KLKB1: variants seen among roughly 807,000 people sequenced by gnomAD.
The protein encoded by KLKB1 is plasma kallikrein.
In KLKB1, 58 loss-of-function variants were observed where a neutral mutation model predicts 73.6. That is an observed-to-expected ratio of 0.79 (90% confidence interval 0.64 to 0.98). The LOEUF (loss-of-function observed/expected upper bound fraction) is 0.98. Ranked by LOEUF, KLKB1 falls within the 50% of genes least tolerant of loss-of-function variation. KLKB1 has a pLI of 0.00. For synonymous variants in KLKB1, 280 were observed against 258.1 expected, an observed-to-expected ratio of 1.08 and a Z score of -0.81; for missense variants, 737 against 763.8, an observed-to-expected ratio of 0.96 and a Z score of 0.41.
Position 186,256,008 on chromosome 4 carries a change from A to G in KLKB1, c.1506A>G (p.Ile502Met). 6.2e-7 allele frequency: 1 copy of G among 1,610,758 alleles called. No homozygotes were observed. Residue 502 changes from isoleucine (I) to methionine (M), a missense_variant, in exon 13 of 15, where the codon ATA becomes ATG. Physicochemically the swap from Ile to Met is conservative, Grantham distance 10 (BLOSUM62 1). Coordinates refer to ENST00000264690, the MANE Select transcript of KLKB1 (RefSeq NM_000892.5). Reference protein sequence around the residue: ...PLNYTEFQKPICLPSKGDTST... With the variant: ...PLNYTEFQKPMCLPSKGDTST... Reference sequence around the variant, plus strand: ...ATGTTTCAGAATTCCAAAAACCAATATGCCTACCTTCCAAAGGTGACACAA... The same window carrying G: ...ATGTTTCAGAATTCCAAAAACCAATGTGCCTACCTTCCAAAGGTGACACAA...
At position 186,235,971 on chromosome 4, in the gene KLKB1, G is replaced by A. The variant is rs548783272; in HGVS notation, c.329-810G>A. 2.3e-3 allele frequency among the ~76,000 whole-genome samples: 348 copies of A among 151,226 alleles called. 3 individuals are homozygous for A. The highest frequency in any genetic ancestry group is 8.1e-3 in the African/African-American group (334 of 41,148). On this transcript the variant is annotated intron_variant, in intron 4 of 14. Transcript: ENST00000264690. Reference sequence around the variant, plus strand: ...TCTACTAAAAATACAAAAATTAGCCGGGCGTGGTGGCGCGCGCCTGTAGTC... The same window carrying A: ...TCTACTAAAAATACAAAAATTAGCCAGGCGTGGTGGCGCGCGCCTGTAGTC...
chr4:186,233,264 A>G (rs189816618), intron 3 of KLKB1, among the ~76,000 whole-genome samples: 1 of 152,206 alleles, frequency 6.6e-6, no homozygotes, highest in Non-Finnish European at 1.5e-5. Context: ...CACGAGCCAC[A>G]GTTTCATCTT....
intron 2 of KLKB1, chr4:186,213,215 T>C (rs1467309414): frequency 6.6e-6 from 1 of 152,228 alleles, no homozygotes; most frequent in Non-Finnish European, 1.5e-5. Flanking sequence ...GAGAAATTAT[T>C]TCATATGCTA....
chr4:186,221,779 A>G (rs1159039618), upstream of KLKB1, among the ~76,000 whole-genome samples: 1 of 152,192 alleles, frequency 6.6e-6, no homozygotes, highest in East Asian at 1.9e-4. Context: ...TTTGAAAGGA[A>G]TGTTCTGCAC....
upstream of KLKB1, among the ~76,000 whole-genome samples, chr4:186,223,490 C>G (rs898767079): frequency 1.3e-5 from 2 of 152,174 alleles, no homozygotes; most frequent in Non-Finnish European, 1.5e-5. Flanking sequence ...GGAACTGGAG[C>G]AAAGGCCATT....
Position 186,251,850 on chromosome 4 carries a change from G to A in KLKB1, c.1133G>A (p.Gly378Glu), listed in dbSNP as rs750899027. The change falls in exon 10 of 15, where the codon GGG becomes GAG. Residue 378 changes from glycine to glutamate, a missense_variant. Physicochemically the swap from Gly to Glu is moderately conservative, Grantham distance 98. Transcript: ENST00000264690. ...TACTCTTTGAGATTGTGTAACACTG[G>A]GGACAACTCTGGTGAGTAACCTCAC... ...SGYSLRLCNT[G>E]DNSVCTTKTS... 2 of 1,612,484 alleles carry A rather than the reference G, an allele frequency of 1.2e-6. No individual in the cohort carries two copies. Among genetic ancestry groups the A allele is most frequent in the Non-Finnish European group, 1.7e-6 (2 of 1,178,880 alleles).
rs764767520 is a variant in KLKB1, at chr4:186,257,318, C to T, written c.1678C>T (p.Arg560Trp). 2.9e-5 allele frequency: 46 copies of T among 1,605,040 alleles called. 1 individual carries two copies. The highest frequency in any genetic ancestry group is 4.5e-5 in the East Asian group (2 of 44,476). The change falls in exon 14 of 15, where the codon CGG becomes TGG. Residue 560 changes from arginine (R) to tryptophan (W), a missense_variant. Coordinates refer to ENST00000264690, the MANE Select transcript of KLKB1 (RefSeq NM_000892.5). ...KRYQDYKITQ[R>W]MVCAGYKEGG... Reference sequence around the variant, plus strand: ...ATATCAAGATTATAAAATAACCCAACGGATGGTCTGTGCTGGCTATAAAGA... The same window carrying T: ...ATATCAAGATTATAAAATAACCCAATGGATGGTCTGTGCTGGCTATAAAGA...
upstream of KLKB1, among the ~76,000 whole-genome samples, chr4:186,224,769 G>A (rs575522110): frequency 1.6e-3 from 237 of 152,334 alleles, 1 homozygote; most frequent in Non-Finnish European, 2.6e-3. Flanking sequence ...CTGTTGGAAA[G>A]ACATCATTGG....
chr4:186,237,804 A>G (rs1737773306), intron 5 of KLKB1, among the ~76,000 whole-genome samples: 1 of 151,804 alleles, frequency 6.6e-6, no homozygotes, highest in African/African-American at 2.4e-5. Flanking sequence ...CTATTTTTCA[A>G]CGCCCGCCCC....
chr4:186,234,132 G>T (rs1737541446), intron 4 of KLKB1, 74 bp downstream of exon 4: 3 of 1,119,498 alleles, frequency 2.7e-6, no homozygotes, highest in East Asian at 2.4e-5. Flanking sequence ...CTCAAAGTTT[G>T]TACTGCTACA....
rs779620039 is a variant in KLKB1 at position 186,236,889 on chromosome 4, G to A, written c.437G>A (p.Arg146His). 8.1e-6 allele frequency: 13 copies of A among 1,613,992 alleles called. No homozygotes were observed. Among genetic ancestry groups the A allele is most frequent in the East Asian group, 2.2e-5 (1 of 44,860 alleles). The stretch of plus-strand genomic sequence containing the variant: ...CAAAAAAGGTGCACCAGTAACATTC[G>A]CTGCCAGTTTTTTTCATATGCCACG... ...ECQKRCTSNIRCQFFSYATQT... is the reference protein window; with the variant it reads ...ECQKRCTSNIHCQFFSYATQT... Residue 146 changes from arginine to histidine, a missense_variant, in exon 5 of 15, where the codon CGC (arginine) becomes CAC (histidine). Coordinates refer to ENST00000264690, the MANE Select transcript of KLKB1 (RefSeq NM_000892.5).
In KLKB1 at chr4:186,238,307, G is replaced by A; in HGVS notation, c.540G>A (p.Lys180=). 6.2e-7 allele frequency: 1 copy of A among 1,614,060 alleles called. No individual in the cohort carries two copies. Among genetic ancestry groups the A allele is most frequent in the South Asian group, 1.1e-5 (1 of 91,084 alleles). ...CCGGAGGAACACCTACCGCTATAAA[G>A]GTGCTGAGTAACGTGGAATCTGGAT... is the stretch of plus-strand genomic sequence containing the variant. ...YSPGGTPTAI[K]VLSNVESGFS... Residue 180 remains lysine (K), a synonymous_variant, in exon 6 of 15, where the codon AAG becomes AAA. Transcript: ENST00000264690.
At chr4:186,221,602 A>G (rs995349323), upstream of KLKB1, among the ~76,000 whole-genome samples, 17 of 151,748 alleles carry the variant, frequency 1.1e-4, no homozygotes, top group Admixed American at 1.0e-3. Context: ...TGAATTTTCC[A>G]TTTTTCCTTC....
intron 14 of KLKB1, among the ~76,000 whole-genome samples, chr4:186,257,691 G>T (rs1739076000): frequency 6.6e-6 from 1 of 151,714 alleles, no homozygotes; most frequent in African/African-American, 2.4e-5. Flanking sequence ...ATAGAAAAGG[G>T]GATACGAAAA....
At position 186,212,780 on chromosome 4, in the gene KLKB1, G is replaced by A. The variant is rs546961288; in HGVS notation, c.201+3508G>A. ...CCAAAGCCATTTGGCAAGCCCTGTAGCCTGGGCCATTTAAGACAGGGGCGG... is the reference window on the plus strand; with the variant it reads ...CCAAAGCCATTTGGCAAGCCCTGTAACCTGGGCCATTTAAGACAGGGGCGG... On this transcript the variant is annotated intron_variant, in intron 2 of 14. Transcript: ENST00000511608. The A allele has an allele frequency of 6.6e-5, 10 of 152,320 alleles. No homozygotes were observed. In the East Asian group the frequency reaches 1.9e-3, roughly 29 times the overall value. The allele number at this position is 152,320 out of a possible 1,614,324, so 9.4% of individuals were successfully genotyped here. A position where few individuals can be genotyped will look rare whatever the true frequency, so the allele number is the denominator to read the frequency against.
At chr4:186,256,505 C>T (rs1005607291) in intron 13 of KLKB1, among the ~76,000 whole-genome samples, 3 of 152,186 alleles carry the variant, frequency 2.0e-5, no homozygotes, top group African/African-American at 7.2e-5. Context: ...TCATTCTTTA[C>T]AGAAGAAGGT....
upstream of KLKB1, among the ~76,000 whole-genome samples, chr4:186,226,744 C>T (rs928951920): frequency 6.6e-6 from 1 of 152,082 alleles, no homozygotes; most frequent in Non-Finnish European, 1.5e-5. Flanking sequence ...TCCACATGGC[C>T]CAGCATGGAG....
At chr4:186,214,028 A>T (rs532598926) in intron 2 of KLKB1, among the ~76,000 whole-genome samples, 1 of 152,004 alleles carries the variant, frequency 6.6e-6, no homozygotes, top group African/African-American at 2.4e-5. Flanking sequence ...CACTTTCTCA[A>T]CCTTTGTTGA....
intron 2 of KLKB1, among the ~76,000 whole-genome samples, chr4:186,213,961 T>A: frequency 6.6e-6 from 1 of 152,182 alleles, no homozygotes; most frequent in Non-Finnish European, 1.5e-5. Context: ...TGTTCTCATC[T>A]TTTTCCTTCC....
Sources: gnomAD v4.1 joint callset for allele counts (sites outside exome capture counted in the v4.1 genomes callset) on GRCh38, gnomAD v4.1.1 for gene constraint, MANE v1.5 for transcripts, NCBI Gene and HGNC (gene_info 2026-07-23, HGNC 2026-07-21) for gene names.